The following PRR14L variants were observed in gnomAD, a reference collection of about 807,000 sequenced individuals.
The protein encoded by PRR14L is proline rich 14 like, also known as protein PRR14L.
In PRR14L, 80 loss-of-function variants were observed where a neutral mutation model predicts 155.0. The observed-to-expected ratio is 0.52, with a 90% CI of 0.43 to 0.62. The LOEUF (loss-of-function observed/expected upper bound fraction) is 0.62. PRR14L is among the 20% of genes least tolerant of loss of function. The pLI, the probability that PRR14L is intolerant of heterozygous loss-of-function variation, is 0.00. For missense variants in PRR14L, 2,469 were observed against 2,548.0 expected (o/e 0.97, Z 0.67); for synonymous variants, 883 against 916.0 (o/e 0.96, Z 0.65).
intron 3 of PRR14L, among the ~76,000 whole-genome samples, chr22:31,721,750 T>A (rs1367418055): frequency 1.3e-5 from 2 of 152,136 alleles, no homozygotes; most frequent in South Asian, 4.1e-4. Context: ...AAATCCCAAG[T>A]ACACAAGTTG....
At chr22:31,707,449 C>A (rs1019362234) in intron 4 of PRR14L, among the ~76,000 whole-genome samples, 2 of 152,098 alleles carry the variant, frequency 1.3e-5, no homozygotes, top group Non-Finnish European at 2.9e-5. Flanking sequence ...GGCGTGATCT[C>A]GGCTCACTGC....
rs984626945 is a variant in PRR14L at position 31,685,525 on chromosome 22, T to A, written c.*2A>T. ...ATTGAGACCCTCAAACTGAATCGCTTCTCAACAGCCTGATGATTGTTCCTG... is the reference window on the plus strand; with the variant it reads ...ATTGAGACCCTCAAACTGAATCGCTACTCAACAGCCTGATGATTGTTCCTG... On this transcript the variant is annotated 3_prime_UTR_variant, in exon 9 of 9. Transcript: ENST00000327423. The A allele has an allele frequency of 3.9e-6, 6 of 1,544,080 alleles. No individual in the cohort carries two copies. The highest frequency in any genetic ancestry group is 5.3e-6 in the Non-Finnish European group (6 of 1,141,526).
At chr22:31,749,462 G>A (rs934315421) in intron 1 of PRR14L, among the ~76,000 whole-genome samples, 7 of 152,154 alleles carry the variant, frequency 4.6e-5, no homozygotes, top group African/African-American at 1.4e-4. Flanking sequence ...AGGAAGGTAA[G>A]TCTCTTTCTT....
intron 7 of PRR14L, among the ~76,000 whole-genome samples, chr22:31,694,527 C>G (rs560555533): frequency 6.6e-6 from 1 of 152,028 alleles, no homozygotes; most frequent in Non-Finnish European, 1.5e-5. Context: ...GTGGGCGGAT[C>G]ATGAGGTCAG....
rs539975219 is a variant in PRR14L at position 31,715,837 on chromosome 22, T to C, written c.2002A>G (p.Thr668Ala). 1.3e-5 allele frequency: 20 copies of C among 1,551,518 alleles called. No homozygotes were observed. The highest frequency in any genetic ancestry group is 7.3e-5 in the East Asian group (3 of 40,942). The change falls in exon 4 of 9, where the codon ACT (threonine) becomes GCT (alanine). Residue 668 changes from threonine to alanine, a missense_variant. Physicochemically the swap from Thr to Ala is moderately conservative, Grantham distance 58. Transcript: ENST00000327423. ...LNSQEHANLP[T>A]DSLLHLNKEM... is the part of the protein sequence containing the mutation. ...TTGTTTAAATGCAGTAGAGAGTCAGTTGGCAAATTTGCATGTTCTTGAGAA... is the reference window on the plus strand; with the variant it reads ...TTGTTTAAATGCAGTAGAGAGTCAGCTGGCAAATTTGCATGTTCTTGAGAA...
At chr22:31,708,975 C>T (rs934117880) in intron 4 of PRR14L, among the ~76,000 whole-genome samples, 1 of 151,984 alleles carries the variant, frequency 6.6e-6, no homozygotes, top group East Asian at 1.9e-4. Flanking sequence ...TACAGGTGTG[C>T]ACCACACCCG....
intron 1 of PRR14L, among the ~76,000 whole-genome samples, chr22:31,741,804 G>C (rs548665751): frequency 6.6e-6 from 1 of 151,076 alleles, no homozygotes; most frequent in African/African-American, 2.4e-5. Flanking sequence ...CCTGGGAGGC[G>C]GAGGTTGCAG....
At chr22:31,693,149 C>T (rs1242146097) in intron 7 of PRR14L, among the ~76,000 whole-genome samples, 1 of 151,830 alleles carries the variant, frequency 6.6e-6, no homozygotes, top group African/African-American at 2.4e-5. Context: ...TTGTTGTCTT[C>T]TATGAGTTTT....
intron 1 of PRR14L, among the ~76,000 whole-genome samples, chr22:31,749,458 G>A (rs2074859954): frequency 1.3e-5 from 2 of 152,156 alleles, no homozygotes; most frequent in African/African-American, 4.8e-5. Flanking sequence ...AAGGAGGAAG[G>A]TAAGTCTCTT....
rs965420118 is a variant in PRR14L, at chr22:31,735,575, G to A, written c.474+2812C>T. On this transcript the variant is annotated intron_variant, in intron 2 of 8. Transcript: ENST00000327423. ...GTTCATTATACTTTATGTGTATTAC[G>A]CATGCTTTTATATCAAACATTACAT... 3.3e-5 allele frequency among the ~76,000 whole-genome samples: 5 copies of A among 150,462 alleles called. 1 individual carries two copies. Among genetic ancestry groups the A allele is most frequent in the Admixed American group, 2.6e-4 (4 of 15,100 alleles).
Position 31,685,413 on chromosome 22 carries a change from G to T in PRR14L, c.*114C>A, listed in dbSNP as rs1401410002. 5.6e-6 allele frequency: 5 copies of T among 888,112 alleles called. No homozygotes were observed. The highest frequency in any genetic ancestry group is 5.1e-5 in the African/African-American group (3 of 58,596). The allele number at this position is 888,112 out of a possible 1,614,324, so 55.0% of individuals were successfully genotyped here. A position where few individuals can be genotyped will look rare whatever the true frequency, so the allele number is the denominator to read the frequency against. ...ACTGTGCATTTTTGAGTGGTTTGGC[G>T]GTAGGGCAAAATTAGGCAACCTTTT... On this transcript the variant is annotated 3_prime_UTR_variant, in exon 9 of 9. Coordinates refer to ENST00000327423, the MANE Select transcript of PRR14L (RefSeq NM_173566.3).
At chr22:31,703,749 G>C in intron 5 of PRR14L, 28 bp from the exon 6 acceptor site, 1 of 1,414,468 alleles carries the variant, frequency 7.1e-7, no homozygotes, top group East Asian at 2.6e-5. Flanking sequence ...AAGAAGATAT[G>C]AGAGGGGTTC....
chr22:31,691,934 C>G (rs2074513855), intron 7 of PRR14L, among the ~76,000 whole-genome samples: 1 of 151,216 alleles, frequency 6.6e-6, no homozygotes, highest in Non-Finnish European at 1.5e-5. Context: ...GTGGCATGAT[C>G]TTAGCTCACT....
intron 7 of PRR14L, among the ~76,000 whole-genome samples, chr22:31,690,455 A>G (rs963707592): frequency 1.3e-5 from 2 of 151,364 alleles, no homozygotes; most frequent in Non-Finnish European, 2.9e-5. Context: ...AAAGTGCTGG[A>G]ATTACAAGCG....
intron 3 of PRR14L, among the ~76,000 whole-genome samples, chr22:31,724,387 G>A (rs131237): frequency 0.089 from 13,565 of 152,180 alleles, 696 homozygotes; most frequent in Admixed American, 0.15. Flanking sequence ...CTGACTTAGC[G>A]TATTCACTTT....
intron 2 of PRR14L, among the ~76,000 whole-genome samples, chr22:31,733,298 G>GTTTTTTTTTTTT (rs1162819822): frequency 6.2e-5 from 4 of 64,032 alleles, no homozygotes; most frequent in African/African-American, 1.5e-4. Flanking sequence ...CCTGGCCACT[G>GTTTTTTTTTTTT]TTTTTTTTTT....
intron 7 of PRR14L, among the ~76,000 whole-genome samples, chr22:31,691,794 T>C (rs1195746857): frequency 6.6e-6 from 1 of 152,216 alleles, no homozygotes; most frequent in African/African-American, 2.4e-5. Context: ...GAACATTTGG[T>C]TTCCACTTTT....
At chr22:31,706,442 T>TTTTTTTA (rs1238688535) in intron 4 of PRR14L, among the ~76,000 whole-genome samples, 6 of 151,436 alleles carry the variant, frequency 4.0e-5, no homozygotes, top group African/African-American at 1.5e-4. Flanking sequence ...TTCTTTTTTT[T>TTTTTTTA]GAGACGGAGT....
intron 1 of PRR14L, among the ~76,000 whole-genome samples, chr22:31,744,594 T>C (rs373002124): frequency 3.3e-5 from 5 of 152,182 alleles, no homozygotes; most frequent in African/African-American, 9.7e-5. Context: ...CTTAATCCTG[T>C]TGCTTCTCAG....
Sources: allele counts gnomAD v4.1 joint callset (sites outside exome capture counted in the v4.1 genomes callset), GRCh38; gene constraint gnomAD v4.1.1; transcripts MANE v1.5; gene names NCBI Gene and HGNC (gene_info 2026-07-23, HGNC 2026-07-21).